PSME4: variants seen among roughly 807,000 people sequenced by gnomAD.
PSME4 encodes the protein proteasome activator complex subunit 4.
PSME4 carries 89 observed loss-of-function variants against 253.9 expected under a neutral mutation model. That is an observed-to-expected ratio of 0.35 (90% CI 0.30 to 0.42). The LOEUF (loss-of-function observed/expected upper bound fraction) is 0.42, where lower values mean the gene tolerates loss of function less well. Ranked by LOEUF, PSME4 falls within the 10% of genes least tolerant of loss-of-function variation. The pLI, the probability that PSME4 is intolerant of heterozygous loss-of-function variation, is 1.00. For synonymous variants in PSME4, 851 were observed against 759.2 expected (o/e 1.12, Z -1.99); for missense variants, 2,014 against 2,195.2 (o/e 0.92, Z 1.65).
intron 20 of PSME4, among the ~76,000 whole-genome samples, chr2:53,912,319 TATATATAGGAC>T (rs1667861688): frequency 6.6e-6 from 1 of 152,232 alleles, no homozygotes. Flanking sequence ...AAGGGAAGAC[TATATATAGGAC>T]ATATCTGGGT....
chr2:53,890,256 T>C (rs1335500830), intron 36 of PSME4, 48 bp from the exon 37 acceptor site: 3 of 1,271,660 alleles, frequency 2.4e-6, no homozygotes, highest in African/African-American at 1.5e-5. Flanking sequence ...ACTCAGAACA[T>C]TTTTCTTCAA....
Position 53,895,029 on chromosome 2 carries a change from C to A in PSME4, c.3890G>T (p.Arg1297Ile). The A allele has an allele frequency of 6.2e-7, 1 of 1,613,034 alleles. No homozygotes were observed. The highest frequency in any genetic ancestry group is 8.5e-7 in the Non-Finnish European group (1 of 1,179,764). The change falls in exon 34 of 47, where the codon AGA becomes ATA. Residue 1297 changes from arginine to isoleucine, a missense_variant. By Grantham distance (97) the Arg-to-Ile change is moderately conservative. This residue lies in a region of PSME4 where 989 missense variants were observed against 1,021.1 expected (regional missense o/e 0.97). Transcript: ENST00000404125. ...AGVEEQPKLG[R>I]SREDMTEAEQ... The stretch of plus-strand genomic sequence containing the variant: ...TACCTCTGTCATATCCTCCCTGCTT[C>A]TGCCAAGCTTAGGCTGCTCTTCCAC...
chr2:53,922,097 G>C (rs1668353293), intron 17 of PSME4, among the ~76,000 whole-genome samples: 1 of 152,010 alleles, frequency 6.6e-6, no homozygotes, highest in Non-Finnish European at 1.5e-5. Flanking sequence ...GCGTGAAGCT[G>C]GGAGGCGGAG....
chr2:53,881,601 A>G (rs886491386), intron 41 of PSME4: 7 of 151,372 alleles, frequency 4.6e-5, no homozygotes, highest in African/African-American at 1.7e-4. Flanking sequence ...TCACAGGCAG[A>G]ATTTTTTTTT....
chr2:53,921,305 G>A (rs1324649824), intron 17 of PSME4, among the ~76,000 whole-genome samples: 6 of 151,884 alleles, frequency 4.0e-5, no homozygotes. Context: ...AAGCTTTCAT[G>A]CACCATAGTA....
intron 32 of PSME4, 82 bp from the exon 33 acceptor site, chr2:53,895,818 C>T (rs1325024138): frequency 1.7e-5 from 22 of 1,301,382 alleles, no homozygotes; most frequent in Non-Finnish European, 2.2e-5. Context: ...ACAGTACCAG[C>T]ATAACTTTGT....
At chr2:53,931,691 A>T in intron 10 of PSME4, 144 bp downstream of exon 10, 2 of 830,262 alleles carry the variant, frequency 2.4e-6, no homozygotes, top group Non-Finnish European at 3.6e-6. Context: ...ACCAATCATT[A>T]CATTAAAATG....
At chr2:53,900,101 GAA>G in intron 28 of PSME4, 84 bp from the exon 29 acceptor site, 1 of 1,256,240 alleles carries the variant, frequency 8.0e-7, no homozygotes, top group Non-Finnish European at 1.1e-6. Context: ...CATGCTAAGT[GAA>G]AGAGGCCAGA....
chr2:53,917,331 A>G (rs1668105389), intron 20 of PSME4: 1 of 153,230 alleles, frequency 6.5e-6, no homozygotes, highest in Admixed American at 6.5e-5. Context: ...TATTCATAAG[A>G]TTATCATAAT....
chr2:53,970,629 C>A lies in PSME4; in HGVS notation c.156G>T (p.Leu52=), dbSNP rs1210277616. The change falls in exon 1 of 47, where the codon CTG becomes CTT. Residue 52 remains leucine, a synonymous_variant. Coordinates refer to ENST00000404125, the MANE Select transcript of PSME4 (RefSeq NM_014614.3). Reference sequence around the variant, plus strand: ...GGCCCAGGTTGCATTTGATCTGGGCCAGCTGCAAGTCGGACTCGGCGTCTA... The same window carrying A: ...GGCCCAGGTTGCATTTGATCTGGGCAAGCTGCAAGTCGGACTCGGCGTCTA... The part of the protein sequence containing the change: ...ERLDAESDLQ[L]AQIKCNLGRA... The A allele has an allele frequency of 1.9e-6, 3 of 1,549,918 alleles. No individual in the cohort carries two copies. Among genetic ancestry groups the A allele is most frequent in the African/African-American group, 1.4e-5 (1 of 73,048 alleles).
chr2:53,873,303 T>C (rs1415040144), intron 43 of PSME4, among the ~76,000 whole-genome samples: 2 of 142,130 alleles, frequency 1.4e-5, no homozygotes, highest in Non-Finnish European at 3.0e-5. Flanking sequence ...GACTAGAAAA[T>C]ATCCACTCTC....
In PSME4 at chr2:53,919,156, A is replaced by G. The variant is rs1668189538; in HGVS notation, c.2511T>C (p.Thr837=). 2 of 1,611,400 alleles carry G rather than the reference A, an allele frequency of 1.2e-6. No homozygotes were observed. The highest frequency in any genetic ancestry group is 2.2e-5 in the East Asian group (1 of 44,732). The part of the protein sequence containing the change: ...LLPPLKGEPV[T]NLVPSMVSLE... ...AAACAGTTATTTTTACTTACAAGTT[A>G]GTAACTGGCTCTCCTTTCAACGGAG... Residue 837 remains threonine, a synonymous_variant, in exon 20 of 47, where the codon ACT becomes ACC. Transcript: ENST00000404125.
Position 53,887,874 on chromosome 2 carries a change from T to G in PSME4, c.4504A>C (p.Arg1502=). The G allele has an allele frequency of 1.0e-5, 16 of 1,599,606 alleles. No individual in the cohort carries two copies. The highest frequency in any genetic ancestry group is 1.3e-5 in the Non-Finnish European group (15 of 1,167,042). The change falls in exon 39 of 47, where the codon AGA becomes CGA. Residue 1502 remains arginine, a synonymous_variant. Transcript: ENST00000404125. The part of the protein sequence containing the change: ...PKLTQVYKNV[R]ERIGSVLTYI... ...AGTACCTACCTTCCTATTCTTTCTC[T>G]GACATTTTTGTAAACCTGGGTGAGT...
intron 7 of PSME4, among the ~76,000 whole-genome samples, chr2:53,935,111 A>G (rs929739514): frequency 7.2e-5 from 11 of 152,220 alleles, no homozygotes; most frequent in Non-Finnish European, 1.6e-4. Flanking sequence ...TTCCATGTCA[A>G]GCATGCACAA....
chr2:53,910,053 A>C, intron 21 of PSME4, 22 bp downstream of exon 21: 1 of 1,562,914 alleles, frequency 6.4e-7, no homozygotes, highest in South Asian at 1.1e-5. Flanking sequence ...ACACAGATTT[A>C]CTCAGATTAG....
chr2:53,900,525 CAGAATG>C (rs936163008), intron 28 of PSME4, among the ~76,000 whole-genome samples: 6 of 151,804 alleles, frequency 4.0e-5, no homozygotes, highest in Non-Finnish European at 7.4e-5. Context: ...CAGAATGAGA[CAGAATG>C]AGAATGAGAA....
chr2:53,969,444 CA>C (rs1670922802), intron 1 of PSME4, among the ~76,000 whole-genome samples: 1 of 152,082 alleles, frequency 6.6e-6, no homozygotes, highest in Admixed American at 6.6e-5. Context: ...AAAACTATTA[CA>C]AAACCCTGAG....
chr2:53,943,846 C>CAAAAA (rs5831284), intron 3 of PSME4, among the ~76,000 whole-genome samples: 2 of 81,372 alleles, frequency 2.5e-5, no homozygotes, highest in Non-Finnish European at 4.8e-5. Flanking sequence ...AACTCCATCT[C>CAAAAA]AAAAAAAAAA....
At chr2:53,931,793 A>G in intron 10 of PSME4, 42 bp downstream of exon 10, 1 of 1,601,518 alleles carries the variant, frequency 6.2e-7, no homozygotes, top group South Asian at 1.1e-5. Context: ...ACAGACCAAA[A>G]GAAAAACCTA....
Sources: gnomAD v4.1 joint callset for allele counts (sites outside exome capture counted in the v4.1 genomes callset) on GRCh38, gnomAD v4.1.1 for gene constraint, gnomAD v4.1.1 regional missense constraint, MANE v1.5 for transcripts, NCBI Gene and HGNC (gene_info 2026-07-23, HGNC 2026-07-21) for gene names.